SHANK1: variants seen among roughly 807,000 people sequenced by gnomAD.
The protein encoded by SHANK1 is SH3 and multiple ankyrin repeat domains protein 1.
A neutral mutation model predicts 165.6 loss-of-function variants in SHANK1; 35 were observed. The ratio of observed to expected loss-of-function variants is 0.21; its 90% CI spans 0.16 to 0.28. The LOEUF is 0.28. SHANK1 is among the 10% of genes least tolerant of loss of function. SHANK1 has a pLI of 1.00. For synonymous variants in SHANK1, 1,428 were observed against 1,384.8 expected (o/e 1.03, Z -0.69); for missense variants, 2,681 against 3,036.4 (o/e 0.88, Z 2.75).
intron 21 of SHANK1, among the ~76,000 whole-genome samples, chr19:50,681,809 T>C (rs1351806298): frequency 6.6e-6 from 1 of 152,210 alleles, no homozygotes; most frequent in East Asian, 1.9e-4. Flanking sequence ...TCTCATTCTG[T>C]TGCCCAGGCT....
In SHANK1 at chr19:50,668,593, C is replaced by T. The variant is rs763448080; in HGVS notation, c.3367G>A (p.Gly1123Ser). 7.4e-7 allele frequency: 1 copy of T among 1,358,198 alleles called. No homozygotes were observed. The highest frequency in any genetic ancestry group is 9.5e-7 in the Non-Finnish European group (1 of 1,052,400). 84.1% of individuals were successfully genotyped at this position (1,358,198 alleles called of 1,614,324 possible). A position where few individuals can be genotyped will look rare whatever the true frequency, so the allele number is the denominator to read the frequency against. ...GACGGCGCGGGCGGGAGGCCGCCGC[C>T]CTTCTGGGGCTCGCCTTCCACCTTG... is the stretch of plus-strand genomic sequence containing the variant. ...QTKVEGEPQK[G>S]GGLPPAPSPT... Residue 1123 changes from glycine (G) to serine (S), a missense_variant, in exon 23 of 24, where the codon GGC becomes AGC. Physicochemically the swap from Gly to Ser is moderately conservative, Grantham distance 56. Transcript: ENST00000293441.
intron 12 of SHANK1, among the ~76,000 whole-genome samples, chr19:50,700,330 C>T (rs1447653746): frequency 1.8e-4 from 24 of 135,144 alleles, no homozygotes; most frequent in South Asian, 2.4e-4. Context: ...TTGAAGGGCT[C>T]GGGGCATTGG....
At chr19:50,682,081 G>A (rs754147666) in intron 21 of SHANK1, among the ~76,000 whole-genome samples, 30 of 151,332 alleles carry the variant, frequency 2.0e-4, no homozygotes, top group South Asian at 4.2e-4. Flanking sequence ...TTTTTAGACG[G>A]AGTCTCGCTC....
At chr19:50,698,584 C>G (rs1371496688) in intron 12 of SHANK1, among the ~76,000 whole-genome samples, 1 of 147,848 alleles carries the variant, frequency 6.8e-6, no homozygotes, top group Admixed American at 6.7e-5. Flanking sequence ...ATGCCTGCTG[C>G]TGAAAAACAG....
At chr19:50,679,907 G>C (rs1290217126) in intron 21 of SHANK1, among the ~76,000 whole-genome samples, 1 of 151,890 alleles carries the variant, frequency 6.6e-6, no homozygotes, top group African/African-American at 2.4e-5. Context: ...GAGATGGAGA[G>C]ACAGAGACAG....
chr19:50,662,459 C>A lies in SHANK1; in HGVS notation c.5992G>T (p.Ala1998Ser). 2 of 1,547,944 alleles carry A rather than the reference C, an allele frequency of 1.3e-6. No individual in the cohort carries two copies. Among genetic ancestry groups the A allele is most frequent in the South Asian group, 1.2e-5 (1 of 81,142 alleles). The part of the protein sequence containing the change: ...FEMRPPLLRR[A>S]PSPSLLPASE... ...GCGGGCAGCAGCGAGGGGCTGGGGG[C>A]CCGGCGGAGCAGAGGGGGCCGCATC... The change falls in exon 24 of 24, where the codon GCC (alanine) becomes TCC (serine). Residue 1998 changes from alanine (A) to serine (S), a missense_variant. By Grantham distance (99) the Ala-to-Ser change is moderately conservative. Transcript: ENST00000293441. The surrounding 1 kb of genome is among the most constrained non-coding windows in gnomAD (Gnocchi z 7.7).
rs1224126207 is a variant in SHANK1 at position 50,690,272 on chromosome 19, G to A, written c.1965-993C>T. Among the ~76,000 whole-genome samples the A allele has an allele frequency of 1.3e-5, 2 of 152,000 alleles. No individual in the cohort carries two copies. Among genetic ancestry groups the A allele is most frequent in the Non-Finnish European group, 2.9e-5 (2 of 67,982 alleles). On this transcript the variant is annotated intron_variant, in intron 15 of 23. Transcript: ENST00000293441. This position sits in a 1 kb window ranked among gnomAD's most constrained non-coding sequence, Gnocchi z 4.9. ...ACCAGCACATTTAGGTAAGGCTCACGTACCCAGGAAATGTCAATGAAACTC... is the reference window on the plus strand; with the variant it reads ...ACCAGCACATTTAGGTAAGGCTCACATACCCAGGAAATGTCAATGAAACTC...
chr19:50,672,882 G>A (rs759240816), intron 21 of SHANK1, among the ~76,000 whole-genome samples: 1 of 152,148 alleles, frequency 6.6e-6, no homozygotes, highest in Non-Finnish European at 1.5e-5. Flanking sequence ...GTTAGGAGGA[G>A]ATCAGAGGGG....
In SHANK1 at chr19:50,702,670, C is replaced by CA. The variant is rs1986962377; in HGVS notation, c.1554-11dup. ...GGGTGTCCCGCTGGAGCTGCGTACA[C>CA]AGAGGGCATGAGAGGAGGGGAGGGT... On this transcript the variant is annotated splice_polypyrimidine_tract_variant and intron_variant, in intron 11 of 23. Coordinates refer to ENST00000293441, the MANE Select transcript of SHANK1 (RefSeq NM_016148.5). The surrounding 1 kb of genome is among the most constrained non-coding windows in gnomAD (Gnocchi z 5.3). 1.3e-6 allele frequency: 2 copies of CA among 1,554,108 alleles called. No homozygotes were observed. The highest frequency in any genetic ancestry group is 2.7e-5 in the African/African-American group (2 of 73,362).
rs1986790020 is a variant in SHANK1 at position 50,697,822 on chromosome 19, C to T, written c.1861+21G>A. On this transcript the variant is annotated intron_variant, in intron 13 of 23. Transcript: ENST00000293441. This position sits in a 1 kb window ranked among gnomAD's most constrained non-coding sequence, Gnocchi z 4.7. ...TGGGAATCCTAGGGTCCATTGAACA[C>T]TGCTGGGGGTTCCGCATTACCTTGC... 1.3e-6 allele frequency: 2 copies of T among 1,597,980 alleles called. No individual in the cohort carries two copies. Among genetic ancestry groups the T allele is most frequent in the African/African-American group, 1.3e-5 (1 of 74,634 alleles).
chr19:50,718,222 C>T lies in SHANK1; in HGVS notation c.-44+1184G>A, dbSNP rs2089091000. Reference sequence around the variant, plus strand: ...AGCCTCTAACCCAGGGCCGGCGGACCCCTCCCCCACGCGCGGCAGCGCTGC... The same window carrying T: ...AGCCTCTAACCCAGGGCCGGCGGACTCCTCCCCCACGCGCGGCAGCGCTGC... On this transcript the variant is annotated intron_variant, in intron 1 of 23. Coordinates refer to ENST00000293441, the MANE Select transcript of SHANK1 (RefSeq NM_016148.5). This position sits in a 1 kb window ranked among gnomAD's most constrained non-coding sequence, Gnocchi z 5.1. 6.6e-6 allele frequency among the ~76,000 whole-genome samples: 1 copy of T among 151,850 alleles called. No homozygotes were observed. The highest frequency in any genetic ancestry group is 6.6e-5 in the Admixed American group (1 of 15,254).
Position 50,667,463 on chromosome 19 carries a change from C to T in SHANK1, c.4497G>A (p.Gln1499=). Residue 1499 remains glutamine, a synonymous_variant, in exon 23 of 24, where the codon CAG becomes CAA. Transcript: ENST00000293441. This position sits in a 1 kb window ranked among gnomAD's most constrained non-coding sequence, Gnocchi z 5.7. ...PLHVRFLENC[Q]PRAPVTSGRG... is the part of the protein sequence containing the mutation. ...TTCCGCTCGTCACAGGGGCCCGGGG[C>T]TGGCAGTTTTCAAGGAACCGCACGT... 6.5e-7 allele frequency: 1 copy of T among 1,530,266 alleles called. No individual in the cohort carries two copies. Among genetic ancestry groups the T allele is most frequent in the Non-Finnish European group, 8.7e-7 (1 of 1,148,022 alleles). The allele number at this position is 1,530,266 out of a possible 1,614,324, so 94.8% of individuals were successfully genotyped here. A position where few individuals can be genotyped will look rare whatever the true frequency, so the allele number is the denominator to read the frequency against.
At chr19:50,708,398 TC>T (rs1448599184) in intron 8 of SHANK1, among the ~76,000 whole-genome samples, 1 of 152,056 alleles carries the variant, frequency 6.6e-6, no homozygotes, top group East Asian at 1.9e-4. Flanking sequence ...CAAGAGAAAC[TC>T]GCATTTAACG....
intron 21 of SHANK1, among the ~76,000 whole-genome samples, chr19:50,679,283 T>A (rs991877950): frequency 6.8e-6 from 1 of 146,726 alleles, no homozygotes; most frequent in Non-Finnish European, 1.5e-5. Context: ...GGGGGAGGGG[T>A]GTCCCCGACA....
Position 50,667,437 on chromosome 19 carries a change from C to T in SHANK1, c.4523G>A (p.Arg1508Lys). 2.6e-6 allele frequency: 4 copies of T among 1,526,370 alleles called. No homozygotes were observed. Among genetic ancestry groups the T allele is most frequent in the Non-Finnish European group, 3.5e-6 (4 of 1,145,204 alleles). The allele number at this position is 1,526,370 out of a possible 1,614,324, so 94.6% of individuals were successfully genotyped here. A position where few individuals can be genotyped will look rare whatever the true frequency, so the allele number is the denominator to read the frequency against. The part of the protein sequence containing the change: ...CQPRAPVTSG[R>K]GPPSEDGPGV... ...CGGCCCGTCCTCCGAGGGGGGACCCCTTCCGCTCGTCACAGGGGCCCGGGG... is the reference window on the plus strand; with the variant it reads ...CGGCCCGTCCTCCGAGGGGGGACCCTTTCCGCTCGTCACAGGGGCCCGGGG... The change falls in exon 23 of 24, where the codon AGG (arginine) becomes AAG (lysine). Residue 1508 changes from arginine to lysine, a missense_variant. Coordinates refer to ENST00000293441, the MANE Select transcript of SHANK1 (RefSeq NM_016148.5). The surrounding 1 kb of genome is among the most constrained non-coding windows in gnomAD (Gnocchi z 5.7).
At chr19:50,700,810 C>T (rs146413078) in intron 12 of SHANK1, among the ~76,000 whole-genome samples, 1 of 152,092 alleles carries the variant, frequency 6.6e-6, no homozygotes, top group African/African-American at 2.4e-5. Flanking sequence ...TCTTTTCTCC[C>T]ATCTCCCCCA....
rs753533297 is a variant in SHANK1 at position 50,670,955 on chromosome 19, G to T, written c.2674+1063C>A. ...ATTACAGGCACATGCCACCACGCTT[G>T]GCTAATTTTTGTATTTTTAGTAGAA... On this transcript the variant is annotated intron_variant, in intron 22 of 23. Coordinates refer to ENST00000293441, the MANE Select transcript of SHANK1 (RefSeq NM_016148.5). This position sits in a 1 kb window ranked among gnomAD's most constrained non-coding sequence, Gnocchi z 4.1. 6.6e-6 allele frequency among the ~76,000 whole-genome samples: 1 copy of T among 151,474 alleles called. No individual in the cohort carries two copies. Among genetic ancestry groups the T allele is most frequent in the Non-Finnish European group, 1.5e-5 (1 of 67,890 alleles).
intron 21 of SHANK1, among the ~76,000 whole-genome samples, chr19:50,673,201 T>G (rs1568430281): frequency 6.6e-6 from 1 of 152,004 alleles, no homozygotes; most frequent in African/African-American, 2.4e-5. Flanking sequence ...CTGCTTGACT[T>G]CCTTCCACAA....
At position 50,660,049 on chromosome 19, in the gene SHANK1, G is replaced by T. The variant is rs73596611; in HGVS notation, c.*1916C>A. On this transcript the variant is annotated 3_prime_UTR_variant, in exon 24 of 24. Transcript: ENST00000293441. ...GGACGGAGCGCCCCCCCCTCTCGGG[G>T]GTAGGGGGCAGCAGAGGGGGAATGG... is the stretch of plus-strand genomic sequence containing the variant. Among the ~76,000 whole-genome samples, 60,354 of 148,426 alleles carry T rather than the reference G, an allele frequency of 0.41. 14,154 individuals carry two copies. The highest frequency in any genetic ancestry group is 0.57 in the Middle Eastern group (163 of 288).
Sources: allele counts gnomAD v4.1 joint callset (sites outside exome capture counted in the v4.1 genomes callset), GRCh38; gene constraint gnomAD v4.1.1; non-coding constraint Gnocchi (gnomAD v3.1); transcripts MANE v1.5; gene names NCBI Gene and HGNC (gene_info 2026-07-23, HGNC 2026-07-21).